CPS1: variants seen among roughly 807,000 people sequenced by gnomAD.
CPS1 encodes the protein carbamoyl-phosphate synthase 1.
Under a neutral mutation model 174.6 loss-of-function variants are expected in CPS1, and 109 were observed. The ratio of observed to expected loss-of-function variants is 0.62; its 90% CI spans 0.53 to 0.73. The LOEUF is 0.73. CPS1 is among the 30% of genes least tolerant of loss of function. The pLI is 0.00. For synonymous variants in CPS1, 637 were observed against 632.0 expected, an observed-to-expected ratio of 1.01 and a Z score of -0.12; for missense variants, 1,689 against 1,821.9, an observed-to-expected ratio of 0.93 and a Z score of 1.33.
At chr2:210,567,432 G>A (rs567670184) in intron 1 of CPS1, among the ~76,000 whole-genome samples, 1 of 152,152 alleles carries the variant, frequency 6.6e-6, no homozygotes, top group Admixed American at 6.5e-5. Context: ...ATGTAATATT[G>A]TAAGCATGAG....
Position 210,495,338 on chromosome 2 carries a change from G to A in CPS1, c.3+17572G>A, listed in dbSNP as rs114632403. ...TTGGTCCAGTGGTGCGGCATGCTTC[G>A]AGAACTGGCATCTTTCTGTGATGTG... On this transcript the variant is annotated intron_variant, in intron 1 of 38. Transcript: ENST00000430249. Among the ~76,000 whole-genome samples, 343 of 152,192 alleles carry A rather than the reference G, an allele frequency of 2.3e-3. 1 individual carries two copies. The highest frequency in any genetic ancestry group is 7.6e-3 in the African/African-American group (315 of 41,510).
At chr2:210,659,887 C>T (rs1295679309) in intron 31 of CPS1, among the ~76,000 whole-genome samples, 1 of 152,076 alleles carries the variant, frequency 6.6e-6, no homozygotes, top group Non-Finnish European at 1.5e-5. Context: ...TAAAAGACTT[C>T]AAGGTAGATT....
At chr2:210,492,709 G>T (rs142722325) in intron 1 of CPS1, among the ~76,000 whole-genome samples, 1,859 of 152,016 alleles carry the variant, frequency 0.012, 32 homozygotes, top group African/African-American at 0.042. Context: ...ATATTGCAGG[G>T]GTTCTTAAAA....
At chr2:210,549,376 G>T (rs1402752410) in intron 1 of CPS1, among the ~76,000 whole-genome samples, 2 of 151,928 alleles carry the variant, frequency 1.3e-5, no homozygotes, top group Non-Finnish European at 2.9e-5. Context: ...TTTCTTAACA[G>T]TATTTGCTAT....
chr2:210,602,133 C>G (rs1396099793), intron 15 of CPS1, 69 bp from the exon 16 acceptor site: 1 of 1,594,536 alleles, frequency 6.3e-7, no homozygotes, highest in Admixed American at 1.7e-5. Flanking sequence ...TTGCCAGACT[C>G]TCTTGGTGTG....
intron 1 of CPS1, among the ~76,000 whole-genome samples, chr2:210,512,337 C>G (rs184090864): frequency 2.0e-5 from 3 of 151,410 alleles, no homozygotes; most frequent in African/African-American, 7.3e-5. Flanking sequence ...AACAATTTTC[C>G]AATCCTTGTC....
chr2:210,488,426 A>T (rs972739504), intron 1 of CPS1, among the ~76,000 whole-genome samples: 1 of 152,232 alleles, frequency 6.6e-6, no homozygotes, highest in African/African-American at 2.4e-5. Flanking sequence ...GCCTGTGATT[A>T]TCATTCAGAC....
chr2:210,572,408 C>T (rs1697531105), intron 1 of CPS1, among the ~76,000 whole-genome samples: 2 of 151,918 alleles, frequency 1.3e-5, no homozygotes, highest in Non-Finnish European at 2.9e-5. Flanking sequence ...TATTTTGTCT[C>T]CTAAGGTGTA....
At chr2:210,646,676 C>A (rs550362357) in intron 25 of CPS1, among the ~76,000 whole-genome samples, 1 of 152,186 alleles carries the variant, frequency 6.6e-6, no homozygotes, top group South Asian at 2.1e-4. Flanking sequence ...TTTATTTATA[C>A]ACTTACGGTA....
rs940464375 is a variant in CPS1 at position 210,576,482 on chromosome 2, G to A, written c.373G>A (p.Gly125Arg). The change falls in exon 3 of 38, where the codon GGA becomes AGA. Residue 125 changes from glycine (G) to arginine (R), a missense_variant. By Grantham distance (125) the Gly-to-Arg change is moderately radical (BLOSUM62 -2). Coordinates refer to ENST00000233072, the MANE Select transcript of CPS1 (RefSeq NM_001875.5). ...ACTTAGCAAATATTTGGAGTCTAAT[G>A]GAATCAAGGTAGTACCAGTGGTGGC... ...LGLSKYLESNGIKVSGLLVLD... is the reference protein window; with the variant it reads ...LGLSKYLESNRIKVSGLLVLD... 1.9e-6 allele frequency: 3 copies of A among 1,613,484 alleles called. No homozygotes were observed. The highest frequency in any genetic ancestry group is 1.7e-6 in the Non-Finnish European group (2 of 1,179,546).
intron 31 of CPS1, among the ~76,000 whole-genome samples, chr2:210,659,354 A>G (rs370264232): frequency 3.5e-4 from 53 of 152,194 alleles, no homozygotes; most frequent in African/African-American, 1.2e-3. Flanking sequence ...AAAGTAGGGG[A>G]GAGAAACTGA....
intron 21 of CPS1, among the ~76,000 whole-genome samples, chr2:210,627,550 G>T (rs1378751054): frequency 6.6e-6 from 1 of 152,114 alleles, no homozygotes; most frequent in African/African-American, 2.4e-5. Flanking sequence ...CCTTTATGGG[G>T]CATAAAGCCT....
At chr2:210,649,875 T>C (rs1700507642) in intron 27 of CPS1, among the ~76,000 whole-genome samples, 1 of 152,156 alleles carries the variant, frequency 6.6e-6, no homozygotes. Flanking sequence ...TTAGCAAATA[T>C]TACTTTAAAA....
intron 1 of CPS1, among the ~76,000 whole-genome samples, chr2:210,541,896 G>A (rs1205000487): frequency 6.6e-6 from 1 of 152,068 alleles, no homozygotes; most frequent in African/African-American, 2.4e-5. Flanking sequence ...AGCAGCTTTA[G>A]TAAACCATCC....
At chr2:210,576,702 C>A (rs13416489) in intron 3 of CPS1, among the ~76,000 whole-genome samples, 1 of 151,828 alleles carries the variant, frequency 6.6e-6, no homozygotes, top group Admixed American at 6.6e-5. Flanking sequence ...AATTTTAATG[C>A]GTTGGATGAA....
chr2:210,661,194 G>T (rs1398023310), intron 32 of CPS1, among the ~76,000 whole-genome samples: 1 of 152,084 alleles, frequency 6.6e-6, no homozygotes, highest in African/African-American at 2.4e-5. Flanking sequence ...GAGTGACCAG[G>T]AAAATTTAAA....
intron 29 of CPS1, among the ~76,000 whole-genome samples, chr2:210,654,920 G>T (rs1452273016): frequency 6.6e-6 from 1 of 152,072 alleles, no homozygotes; most frequent in African/African-American, 2.4e-5. Context: ...ACATAATCTT[G>T]AGTTGAAACA....
At chr2:210,607,027 AT>A in intron 18 of CPS1, 86 bp downstream of exon 18, 1 of 1,195,080 alleles carries the variant, frequency 8.4e-7, no homozygotes, top group Non-Finnish European at 1.2e-6. Context: ...ACTGTACTGC[AT>A]TTACAAACTA....
At chr2:210,602,047 T>C (rs1195964179) in intron 15 of CPS1, among the ~76,000 whole-genome samples, 155 bp from the exon 16 acceptor site, 1 of 151,904 alleles carries the variant, frequency 6.6e-6, no homozygotes, top group Non-Finnish European at 1.5e-5. Flanking sequence ...GTAACAACAC[T>C]TGCTTTTCAG....
Sources: gnomAD v4.1 joint callset for allele counts (sites outside exome capture counted in the v4.1 genomes callset) on GRCh38, gnomAD v4.1.1 for gene constraint, MANE v1.5 for transcripts, NCBI Gene and HGNC (gene_info 2026-07-23, HGNC 2026-07-21) for gene names.